The following ODR4 variants were observed in gnomAD, a reference collection of about 807,000 sequenced individuals.
The protein encoded by ODR4 is odr-4 GPCR localization factor homolog.
ODR4 carries 47 observed loss-of-function variants against 60.2 expected under a neutral mutation model. The observed-to-expected ratio is 0.78, with a 90% CI of 0.62 to 1.00. The LOEUF (loss-of-function observed/expected upper bound fraction) is 1.00, where lower values mean the gene tolerates loss of function less well. ODR4 is among the 50% of genes least tolerant of loss of function. ODR4 has a pLI of 0.00. For synonymous variants in ODR4, 178 were observed against 175.5 expected (o/e 1.01, Z -0.11); for missense variants, 488 against 530.8 (o/e 0.92, Z 0.79).
intron 13 of ODR4, among the ~76,000 whole-genome samples, chr1:186,418,248 C>G (rs925146846): frequency 9.4e-5 from 14 of 148,940 alleles, no homozygotes; most frequent in South Asian, 8.5e-4. Context: ...GTGTGTGTGT[C>G]TGTCTGTCTG....
intron 2 of ODR4, among the ~76,000 whole-genome samples, chr1:186,381,332 C>CTTTTTTTTTTTT (rs752239468): frequency 1.4e-5 from 2 of 144,600 alleles, no homozygotes; most frequent in Admixed American, 6.9e-5. Context: ...GGCCTTCCTT[C>CTTTTTTTTTTTT]TTTTTTTTTT....
chr1:186,424,295 T>C (rs1661847624), downstream of ODR4, among the ~76,000 whole-genome samples: 1 of 152,228 alleles, frequency 6.6e-6, no homozygotes, highest in Non-Finnish European at 1.5e-5. Context: ...TGCTACAGTT[T>C]TTATAAAGCT....
downstream of ODR4, among the ~76,000 whole-genome samples, chr1:186,426,358 T>C (rs765171659): frequency 2.6e-5 from 4 of 152,204 alleles, no homozygotes; most frequent in Non-Finnish European, 5.9e-5. Context: ...CTCCACGTGA[T>C]GCTGTGTGGG....
intron 13 of ODR4, among the ~76,000 whole-genome samples, chr1:186,417,999 C>T (rs1257948510): frequency 2.0e-5 from 3 of 152,126 alleles, no homozygotes; most frequent in Non-Finnish European, 2.9e-5. Flanking sequence ...TGTTCTATGA[C>T]AAACAACGTT....
intron 7 of ODR4, 73 bp downstream of exon 7, chr1:186,390,924 C>A: frequency 7.2e-7 from 1 of 1,388,552 alleles, no homozygotes; most frequent in Non-Finnish European, 9.9e-7. Context: ...TTACATGTGT[C>A]ATTCATTTTA....
At chr1:186,407,292 T>C (rs892827824) in intron 12 of ODR4, among the ~76,000 whole-genome samples, 2 of 152,142 alleles carry the variant, frequency 1.3e-5, no homozygotes, top group African/African-American at 2.4e-5. Context: ...AAGATATAAC[T>C]GTAGCAGATG....
chr1:186,411,333 C>A (rs7525634), intron 12 of ODR4, among the ~76,000 whole-genome samples: 28,428 of 152,052 alleles, frequency 0.19, 3,003 homozygotes, highest in African/African-American at 0.29. Flanking sequence ...ACTGAAAGGT[C>A]ACTGAAAGCA....
intron 8 of ODR4, among the ~76,000 whole-genome samples, chr1:186,392,192 T>G (rs1401174156): frequency 6.6e-6 from 1 of 152,144 alleles, no homozygotes; most frequent in Admixed American, 6.5e-5. Context: ...GGTGGGAGTA[T>G]AAATAAGTTC....
chr1:186,379,658 T>G, intron 1 of ODR4, 109 bp from the exon 2 acceptor site: 19 of 583,558 alleles, frequency 3.3e-5, no homozygotes, highest in Non-Finnish European at 5.1e-5. Context: ...CTGCAAGGCA[T>G]GAGATAGCCT....
intron 12 of ODR4, among the ~76,000 whole-genome samples, chr1:186,408,300 A>G (rs184380557): frequency 6.6e-6 from 1 of 152,190 alleles, no homozygotes; most frequent in Admixed American, 6.5e-5. Flanking sequence ...TGTAGGAGCT[A>G]AATAATGAAG....
intron 12 of ODR4, among the ~76,000 whole-genome samples, chr1:186,413,079 A>G (rs999104936): frequency 1.3e-5 from 2 of 152,098 alleles, no homozygotes; most frequent in Admixed American, 6.5e-5. Flanking sequence ...TGCTATAAAC[A>G]TATTGCTTTG....
At chr1:186,401,485 TC>T in intron 11 of ODR4, 1 of 210,072 alleles carries the variant, frequency 4.8e-6, no homozygotes, top group Admixed American at 6.8e-5. Flanking sequence ...TCTTTCTTTC[TC>T]TCTTTCTTTC....
At chr1:186,406,732 A>C (rs1383172285) in intron 12 of ODR4, among the ~76,000 whole-genome samples, 1 of 152,156 alleles carries the variant, frequency 6.6e-6, no homozygotes, top group East Asian at 1.9e-4. Flanking sequence ...TACTAAGCCA[A>C]AATGGGCAGT....
intron 12 of ODR4, 193 bp from the exon 13 acceptor site, chr1:186,417,351 T>A (rs1661611875): frequency 2.0e-6 from 1 of 510,918 alleles, no homozygotes; most frequent in Non-Finnish European, 3.5e-6. Flanking sequence ...TTTTGAAAAC[T>A]GTTAATTTGA....
rs1661747893 is a variant in ODR4 at position 186,420,855 on chromosome 1, CA to C, written c.*1782del. ...GTACTTGAAAGATAACACAATTTTACAAATTTGTTGGAAAAACATGAATTCA... is the reference window on the plus strand; with the variant it reads ...GTACTTGAAAGATAACACAATTTTACAATTTGTTGGAAAAACATGAATTCA... On this transcript the variant is annotated 3_prime_UTR_variant, in exon 14 of 14. Transcript: ENST00000287859. 1 of 152,186 alleles carries C rather than the reference CA, an allele frequency of 6.6e-6. No homozygotes were observed. The highest frequency in any genetic ancestry group is 1.9e-4 in the East Asian group (1 of 5,186). 9.4% of individuals were successfully genotyped at this position (152,186 alleles called of 1,614,324 possible). A position where few individuals can be genotyped will look rare whatever the true frequency, so the allele number is the denominator to read the frequency against.
chr1:186,428,610 TGCAAGAG>T, the ODR4 span, among the ~76,000 whole-genome samples: 1 of 152,260 alleles, frequency 6.6e-6, no homozygotes, highest in Non-Finnish European at 1.5e-5. Context: ...GGCTGTTTGT[TGCAAGAG>T]GCTTAGCTTT....
rs113247382 is a variant in ODR4, at chr1:186,375,993, AGTGT to A, written c.-20+45_-20+48del. 128 of 158,492 alleles carry A rather than the reference AGTGT, an allele frequency of 8.1e-4. 1 individual carries two copies. The Middle Eastern group carries it at 0.037, about 46-fold the overall frequency. The allele number at this position is 158,492 out of a possible 1,614,324, so 9.8% of individuals were successfully genotyped here. A position where few individuals can be genotyped will look rare whatever the true frequency, so the allele number is the denominator to read the frequency against. ...AAAACAGGTAAGTCAGCCTAAGTGT[AGTGT>A]GTGTGTGTGTGTGTGTGTGTGTGTG... On this transcript the variant is annotated intron_variant, in intron 1 of 13. Transcript: ENST00000287859.
chr1:186,412,373 T>A (rs1258814984), intron 12 of ODR4, among the ~76,000 whole-genome samples: 1 of 152,136 alleles, frequency 6.6e-6, no homozygotes, highest in African/African-American at 2.4e-5. Context: ...GCAGGTGACA[T>A]TTGAGTTCGT....
At chr1:186,385,347 T>C (rs952866765) in intron 3 of ODR4, among the ~76,000 whole-genome samples, 8 of 149,488 alleles carry the variant, frequency 5.4e-5, no homozygotes, top group African/African-American at 1.5e-4. Flanking sequence ...GAATTACTTA[T>C]TCCCTTAAGG....
Sources: gnomAD v4.1 joint callset for allele counts (sites outside exome capture counted in the v4.1 genomes callset) on GRCh38, gnomAD v4.1.1 for gene constraint, MANE v1.5 for transcripts, NCBI Gene and HGNC (gene_info 2026-07-23, HGNC 2026-07-21) for gene names.